The following TLR10 variants were observed in gnomAD, a reference collection of about 807,000 sequenced individuals.
TLR10 encodes toll like receptor 10, also known as toll-like receptor 10.
For missense variants in TLR10, 929 were observed against 932.9 expected, an observed-to-expected ratio of 1.00 and a Z score of 0.05; for synonymous variants, 288 against 338.8, an observed-to-expected ratio of 0.85 and a Z score of 1.65.
rs777851196 is a variant in TLR10, at chr4:38,773,286, C to T, written c.2305G>A (p.Ala769Thr). Reference protein sequence around the residue: ...KDRRKCGLFWANLRAAINVNV... With the variant: ...KDRRKCGLFWTNLRAAINVNV... The stretch of plus-strand genomic sequence containing the variant: ...ACATTAATAGCAGCTCGAAGGTTTG[C>T]CCAGAAAAGCCCACATTTACGCCTA... The change falls in exon 4 of 4, where the codon GCA (alanine) becomes ACA (threonine). Residue 769 changes from alanine to threonine, a missense_variant. Ala to Thr is a moderately conservative substitution (Grantham distance 58, BLOSUM62 0). Transcript: ENST00000308973. 1.3e-5 allele frequency: 21 copies of T among 1,612,182 alleles called. No individual in the cohort carries two copies. Among genetic ancestry groups the T allele is most frequent in the Non-Finnish European group, 1.7e-5 (20 of 1,179,464 alleles).
In TLR10 at chr4:38,773,076, A is replaced by C; in HGVS notation, c.*79T>G. The stretch of plus-strand genomic sequence containing the variant: ...ATTTTTTATTTTAATAAATATTGTC[A>C]AATTGCCATCATAAAGGTTGTATCA... On this transcript the variant is annotated 3_prime_UTR_variant, in exon 4 of 4. Transcript: ENST00000308973. 1 of 1,296,366 alleles carries C rather than the reference A, an allele frequency of 7.7e-7. No homozygotes were observed. The highest frequency in any genetic ancestry group is 1.0e-6 in the Non-Finnish European group (1 of 988,376). The allele number at this position is 1,296,366 out of a possible 1,614,324, so 80.3% of individuals were successfully genotyped here.
At position 38,774,172 on chromosome 4, in the gene TLR10, A is replaced by G; in HGVS notation, c.1419T>C (p.Ile473=). ...GGAGATCAGTTAGAAAATTAAATGC[A>G]ATATTTAGTTCTCGTAAGGCCATCA... ...IHLMALRELN[I]AFNFLTDLPG... Residue 473 remains isoleucine, a synonymous_variant, in exon 4 of 4, where the codon ATT becomes ATC. Coordinates refer to ENST00000308973, the MANE Select transcript of TLR10 (RefSeq NM_030956.4). The G allele has an allele frequency of 6.2e-7, 1 of 1,611,506 alleles. No individual in the cohort carries two copies. The highest frequency in any genetic ancestry group is 2.2e-5 in the East Asian group (1 of 44,856).
At chr4:38,781,224 T>G (rs1232219568) in intron 1 of TLR10, among the ~76,000 whole-genome samples, 1 of 152,246 alleles carries the variant, frequency 6.6e-6, no homozygotes, top group African/African-American at 2.4e-5. Flanking sequence ...AAGGCTGCTC[T>G]TAAACTCCTG....
intron 1 of TLR10, among the ~76,000 whole-genome samples, chr4:38,778,048 C>A (rs1289834594): frequency 2.0e-5 from 3 of 152,142 alleles, no homozygotes; most frequent in Non-Finnish European, 2.9e-5. Context: ...TGGAACCAAC[C>A]CAAATGCCCA....
intron 1 of TLR10, among the ~76,000 whole-genome samples, chr4:38,778,277 T>C (rs1725182506): frequency 6.6e-6 from 1 of 151,882 alleles, no homozygotes; most frequent in Admixed American, 6.6e-5. Flanking sequence ...CACCGGGGCC[T>C]GTCAGGGGGT....
intron 1 of TLR10, among the ~76,000 whole-genome samples, chr4:38,779,395 C>T (rs915335470): frequency 1.5e-4 from 23 of 152,162 alleles, no homozygotes; most frequent in Admixed American, 3.9e-4. Flanking sequence ...TGCCTCCGGC[C>T]GTATTTTTCT....
rs1319705360 is a variant in TLR10, at chr4:38,774,679, C to A, written c.912G>T (p.Leu304Phe). 6 of 1,562,426 alleles carry A rather than the reference C, an allele frequency of 3.8e-6. No individual in the cohort carries two copies. Among genetic ancestry groups the A allele is most frequent in the Non-Finnish European group, 5.2e-6 (6 of 1,159,598 alleles). ...AAAACACTCTGAAATGTACATGCTC[C>A]AATTTTATAGTTCTCATTACAGTAT... ...YSNTVMRTIK[L>F]EHVHFRVFYI... The change falls in exon 4 of 4, where the codon TTG (leucine) becomes TTT (phenylalanine). Residue 304 changes from leucine (L) to phenylalanine (F), a missense_variant. Transcript: ENST00000308973.
At position 38,774,093 on chromosome 4, in the gene TLR10, T is replaced by G. The variant is rs183501606; in HGVS notation, c.1498A>C (p.Ile500Leu). 1.2e-6 allele frequency: 2 copies of G among 1,612,496 alleles called. No individual in the cohort carries two copies. Among genetic ancestry groups the G allele is most frequent in the African/African-American group, 2.7e-5 (2 of 75,048 alleles). Residue 500 changes from isoleucine (I) to leucine (L), a missense_variant, in exon 4 of 4, where the codon ATT (isoleucine) becomes CTT (leucine). Transcript: ENST00000308973. ...LSVLNIEMNF[I>L]LSPSLDFVQS... Reference sequence around the variant, plus strand: ...ACAAAATCCAGAGATGGGCTGAGAATGAAGTTCATTTCAATGTTCAGAACT... The same window carrying G: ...ACAAAATCCAGAGATGGGCTGAGAAGGAAGTTCATTTCAATGTTCAGAACT...
intron 1 of TLR10, among the ~76,000 whole-genome samples, chr4:38,782,221 G>T (rs1725454260): frequency 6.6e-6 from 1 of 152,160 alleles, no homozygotes; most frequent in Non-Finnish European, 1.5e-5. Flanking sequence ...GGGACACTCT[G>T]CTAGGTGCCA....
chr4:38,774,872 T>G lies in TLR10; in HGVS notation c.719A>C (p.Glu240Ala). 6.2e-7 allele frequency: 1 copy of G among 1,607,314 alleles called. No homozygotes were observed. Among genetic ancestry groups the G allele is most frequent in the Non-Finnish European group, 8.5e-7 (1 of 1,177,142 alleles). The change falls in exon 4 of 4, where the codon GAA (glutamate) becomes GCA (alanine). Residue 240 changes from glutamate (E) to alanine (A), a missense_variant. By Grantham distance (107) the Glu-to-Ala change is moderately radical. Coordinates refer to ENST00000308973, the MANE Select transcript of TLR10 (RefSeq NM_030956.4). ...CAATAGAACCGATGTCTTAGCATTT[T>G]CTAAACTAAGATTTCGTTGCATTTC... The part of the protein sequence containing the change: ...SYEMQRNLSL[E>A]NAKTSVLLLN...
chr4:38,775,628 G>A lies in TLR10; in HGVS notation c.-38C>T. 1 of 1,521,928 alleles carries A rather than the reference G, an allele frequency of 6.6e-7. No individual in the cohort carries two copies. Among genetic ancestry groups the A allele is most frequent in the Non-Finnish European group, 8.8e-7 (1 of 1,130,688 alleles). The allele number at this position is 1,521,928 out of a possible 1,614,324, so 94.3% of individuals were successfully genotyped here. A position where few individuals can be genotyped will look rare whatever the true frequency, so the allele number is the denominator to read the frequency against. On this transcript the variant is annotated 5_prime_UTR_variant, in exon 4 of 4. Coordinates refer to ENST00000308973, the MANE Select transcript of TLR10 (RefSeq NM_030956.4). ...GATTTTACCACTTATTTCCTCATAT[G>A]AATGATGAAGATGAGCTCAAAACCC...
In TLR10 at chr4:38,774,460, G is replaced by C; in HGVS notation, c.1131C>G (p.Leu377=). The change falls in exon 4 of 4, where the codon CTC becomes CTG. Residue 377 remains leucine, a synonymous_variant. Coordinates refer to ENST00000308973, the MANE Select transcript of TLR10 (RefSeq NM_030956.4). ...TCTCCAGTTTATTGCCATTCAAAAT[G>C]AGAGTTTTCAAGTGAGGCAGTTGGA... is the stretch of plus-strand genomic sequence containing the variant. ...RTIQLPHLKT[L]ILNGNKLETL... The C allele has an allele frequency of 1.2e-6, 2 of 1,610,054 alleles. No individual in the cohort carries two copies. The highest frequency in any genetic ancestry group is 1.7e-6 in the Non-Finnish European group (2 of 1,178,900).
chr4:38,776,677 A>G (rs915954824), intron 1 of TLR10, among the ~76,000 whole-genome samples: 1 of 152,182 alleles, frequency 6.6e-6, no homozygotes, highest in African/African-American at 2.4e-5. Context: ...TACGATATTC[A>G]TTATTCAAGA....
chr4:38,780,500 C>A lies in TLR10; in HGVS notation c.-569+2421G>T, dbSNP rs182072481. ...CCACTCATTAGCTATGTACTCGGAC[C>A]ATTTATTTAATCTCTGAAAGATCTG... On this transcript the variant is annotated intron_variant, in intron 1 of 3. Coordinates refer to ENST00000308973, the MANE Select transcript of TLR10 (RefSeq NM_030956.4). Among the ~76,000 whole-genome samples the A allele has an allele frequency of 3.4e-3, 521 of 152,070 alleles. 1 individual carries two copies. Among genetic ancestry groups the A allele is most frequent in the Non-Finnish European group, 5.7e-3 (391 of 68,004 alleles).
chr4:38,775,506 C>T lies in TLR10; in HGVS notation c.85G>A (p.Glu29Lys). 1.2e-6 allele frequency: 2 copies of T among 1,614,064 alleles called. No individual in the cohort carries two copies. The highest frequency in any genetic ancestry group is 1.7e-6 in the Non-Finnish European group (2 of 1,180,004). Residue 29 changes from glutamate (E) to lysine (K), a missense_variant, in exon 4 of 4, where the codon GAA (glutamate) becomes AAA (lysine). Glu to Lys is a moderately conservative substitution (Grantham distance 56). Transcript: ENST00000308973. ...GDAPELPEER[E>K]LMTNCSNMSL... Reference sequence around the variant, plus strand: ...ATGTTGGAGCAGTTGGTCATCAGTTCCCTTTCTTCTGGCAGCTCTGGAGCA... The same window carrying T: ...ATGTTGGAGCAGTTGGTCATCAGTTTCCTTTCTTCTGGCAGCTCTGGAGCA...
chr4:38,776,826 G>A (rs6824319), intron 1 of TLR10, among the ~76,000 whole-genome samples: 7,144 of 152,156 alleles, frequency 0.047, 555 homozygotes, highest in African/African-American at 0.16. Context: ...AAAACAATAC[G>A]TTTATATGTT....
Position 38,773,046 on chromosome 4 carries a change from T to C in TLR10, c.*109A>G, listed in dbSNP as rs1356667227. On this transcript the variant is annotated 3_prime_UTR_variant, in exon 4 of 4. Transcript: ENST00000308973. ...CTTCTAGAAACTGATATGAAGGGAA[T>C]AACCATTTTTTATTTTAATAAATAT... is the stretch of plus-strand genomic sequence containing the variant. The C allele has an allele frequency of 1.3e-5, 14 of 1,101,218 alleles. 1 individual carries two copies. In the East Asian group the frequency reaches 3.8e-4, roughly 30 times the overall value. 68.2% of individuals were successfully genotyped at this position (1,101,218 alleles called of 1,614,324 possible).
intron 1 of TLR10, among the ~76,000 whole-genome samples, chr4:38,782,349 G>A (rs1725462412): frequency 1.3e-5 from 2 of 152,172 alleles, no homozygotes; most frequent in African/African-American, 4.8e-5. Flanking sequence ...CTCAGTGTAG[G>A]TGGTCTGGGA....
intron 1 of TLR10, among the ~76,000 whole-genome samples, chr4:38,777,152 G>A (rs909069918): frequency 6.6e-6 from 1 of 152,112 alleles, no homozygotes; most frequent in African/African-American, 2.4e-5. Context: ...AAATAACTAA[G>A]ATAAGGGAAA....
Sources: gnomAD v4.1 joint callset for allele counts (sites outside exome capture counted in the v4.1 genomes callset) on GRCh38, gnomAD v4.1.1 for gene constraint, MANE v1.5 for transcripts, NCBI Gene and HGNC (gene_info 2026-07-23, HGNC 2026-07-21) for gene names.